Variants in GNG12 observed in about 807,000 individuals in gnomAD.
GNG12 encodes the protein G protein subunit gamma 12, also known as guanine nucleotide-binding protein G(I)/G(S)/G(O) subunit gamma-12.
For missense variants in GNG12, 69 were observed against 83.8 expected, an observed-to-expected ratio of 0.82 and a Z score of 0.69; for synonymous variants, 28 against 29.7, an observed-to-expected ratio of 0.94 and a Z score of 0.19.
At chr1:67,726,193 T>C (rs369808912) in intron 2 of GNG12, among the ~76,000 whole-genome samples, 16 of 152,344 alleles carry the variant, frequency 1.1e-4, no homozygotes, top group East Asian at 7.7e-4. Context: ...GTCCCAAGCA[T>C]TGGCTTTTTA....
chr1:67,747,171 G>A (rs1274321171), intron 2 of GNG12, among the ~76,000 whole-genome samples: 1 of 152,212 alleles, frequency 6.6e-6, no homozygotes, highest in East Asian at 1.9e-4. Flanking sequence ...CCAGGCTGGA[G>A]TGCAATGGTG....
chr1:67,796,562 C>T (rs1020847262), intron 1 of GNG12, among the ~76,000 whole-genome samples: 1 of 152,094 alleles, frequency 6.6e-6, no homozygotes, highest in African/African-American at 2.4e-5. Context: ...GAGTGTATGA[C>T]AGATAGTAGG....
At chr1:67,816,248 C>A (rs1271333662) in intron 1 of GNG12, among the ~76,000 whole-genome samples, 3 of 152,048 alleles carry the variant, frequency 2.0e-5, no homozygotes, top group Non-Finnish European at 4.4e-5. Context: ...ATCCCTTTGC[C>A]CCACCCACCC....
chr1:67,770,886 A>T (rs1356219095), intron 2 of GNG12, among the ~76,000 whole-genome samples: 1 of 152,150 alleles, frequency 6.6e-6, no homozygotes, highest in Non-Finnish European at 1.5e-5. Context: ...GGCTGGATGG[A>T]GGGAAGTCCT....
chr1:67,824,426 C>T (rs1647000029), intron 1 of GNG12, among the ~76,000 whole-genome samples: 1 of 149,106 alleles, frequency 6.7e-6, no homozygotes, highest in Admixed American at 6.8e-5. Context: ...GGGAGGATCA[C>T]CTGAGCCAGG....
At chr1:67,823,463 T>C (rs985419383) in intron 1 of GNG12, among the ~76,000 whole-genome samples, 4 of 152,206 alleles carry the variant, frequency 2.6e-5, no homozygotes, top group Middle Eastern at 3.2e-3. Context: ...AAAAGAGCCA[T>C]CACATTTGTA....
intron 1 of GNG12, among the ~76,000 whole-genome samples, chr1:67,810,511 G>A (rs1043500706): frequency 1.3e-5 from 2 of 152,162 alleles, no homozygotes; most frequent in African/African-American, 4.8e-5. Context: ...GGCACAGTGG[G>A]TATACAGGAA....
At chr1:67,819,309 G>T (rs865992138) in intron 1 of GNG12, among the ~76,000 whole-genome samples, 1 of 152,176 alleles carries the variant, frequency 6.6e-6, no homozygotes, top group Non-Finnish European at 1.5e-5. Context: ...AGGGGACGAT[G>T]ATGAGATCAG....
At chr1:67,726,398 C>T (rs1250943811) in intron 2 of GNG12, among the ~76,000 whole-genome samples, 1 of 152,188 alleles carries the variant, frequency 6.6e-6, no homozygotes, top group Non-Finnish European at 1.5e-5. Flanking sequence ...GAAGTGACAG[C>T]TTTGTCATTC....
intron 2 of GNG12, among the ~76,000 whole-genome samples, chr1:67,770,583 G>C (rs553444032): frequency 1.3e-5 from 2 of 152,010 alleles, no homozygotes; most frequent in Non-Finnish European, 2.9e-5. Flanking sequence ...AAGAGAGTCC[G>C]ACTGGAAACC....
At chr1:67,742,808 T>A (rs1401713992) in intron 2 of GNG12, among the ~76,000 whole-genome samples, 1 of 152,034 alleles carries the variant, frequency 6.6e-6, no homozygotes, top group Non-Finnish European at 1.5e-5. Flanking sequence ...TGGGCATACA[T>A]TTATTTTAAT....
At chr1:67,815,747 G>A (rs1366437289) in intron 1 of GNG12, among the ~76,000 whole-genome samples, 1 of 152,130 alleles carries the variant, frequency 6.6e-6, no homozygotes, top group African/African-American at 2.4e-5. Context: ...GCCGGCATGA[G>A]GGAGGATTTG....
At chr1:67,819,140 G>A (rs541099880) in intron 1 of GNG12, among the ~76,000 whole-genome samples, 42 of 152,250 alleles carry the variant, frequency 2.8e-4, no homozygotes, top group African/African-American at 9.9e-4. Flanking sequence ...ACATGCGGGC[G>A]CTTTAGGAGG....
At chr1:67,742,877 G>A (rs1295683997) in intron 2 of GNG12, among the ~76,000 whole-genome samples, 1 of 151,354 alleles carries the variant, frequency 6.6e-6, no homozygotes, top group Non-Finnish European at 1.5e-5. Flanking sequence ...TGGTTTTATG[G>A]ATGATATTGA....
chr1:67,745,576 T>C (rs1178381697), intron 2 of GNG12, among the ~76,000 whole-genome samples: 1 of 152,176 alleles, frequency 6.6e-6, no homozygotes, highest in Admixed American at 6.5e-5. Context: ...ATTTCTTCTC[T>C]CTAAAATGGA....
intron 2 of GNG12, among the ~76,000 whole-genome samples, chr1:67,709,992 A>T (rs1370100794): frequency 1.3e-4 from 6 of 47,112 alleles, no homozygotes; most frequent in Non-Finnish European, 1.1e-4. Context: ...ATATAGTTAT[A>T]TATATAGTTA....
intron 1 of GNG12, among the ~76,000 whole-genome samples, chr1:67,805,827 T>C (rs1273751505): frequency 7.2e-6 from 1 of 139,116 alleles, no homozygotes; most frequent in Non-Finnish European, 1.6e-5. Flanking sequence ...TCAGAATAAA[T>C]ACTTAAAAAA....
At chr1:67,750,297 A>T (rs1646531153) in intron 2 of GNG12, among the ~76,000 whole-genome samples, 1 of 152,156 alleles carries the variant, frequency 6.6e-6, no homozygotes, top group Non-Finnish European at 1.5e-5. Flanking sequence ...AACAGGGAAC[A>T]TGTTCTCCCA....
At chr1:67,820,084 A>C (rs1291973261) in intron 1 of GNG12, among the ~76,000 whole-genome samples, 2 of 97,578 alleles carry the variant, frequency 2.0e-5, no homozygotes, top group African/African-American at 3.9e-5. Context: ...ACATTTGCTG[A>C]ATTAAAAAAA....
Sources: allele counts gnomAD v4.1 joint callset (sites outside exome capture counted in the v4.1 genomes callset), GRCh38; gene constraint gnomAD v4.1.1; transcripts MANE v1.5; gene names NCBI Gene and HGNC (gene_info 2026-07-23, HGNC 2026-07-21).